Variants in LGSN observed in about 807,000 individuals in gnomAD.
LGSN encodes lengsin.
In LGSN, 21 loss-of-function variants were observed where a neutral mutation model predicts 19.5. The observed-to-expected ratio is 1.07, with a 90% CI of 0.76 to 1.55. The LOEUF (loss-of-function observed/expected upper bound fraction) is 1.55, where lower values mean the gene tolerates loss of function less well. Among genes scored for constraint, LGSN ranks in the 40% most tolerant of loss-of-function variants. LGSN has a pLI of 0.00. For missense variants in LGSN, 673 were observed against 608.5 expected, an observed-to-expected ratio of 1.11 and a Z score of -1.12; for synonymous variants, 257 against 215.6, an observed-to-expected ratio of 1.19 and a Z score of -1.68.
At chr6:63,479,712 C>T in the LGSN span, among the ~76,000 whole-genome samples, 2 of 151,360 alleles carry the variant, frequency 1.3e-5, no homozygotes, top group Non-Finnish European at 2.9e-5. Context: ...TGCACTCCAG[C>T]TTGGGCGACA....
the LGSN span, among the ~76,000 whole-genome samples, chr6:63,330,508 C>A: frequency 6.6e-6 from 1 of 152,152 alleles, no homozygotes; most frequent in South Asian, 2.1e-4. Context: ...AATCAATTGA[C>A]CCTCGAGTGA....
the LGSN span, among the ~76,000 whole-genome samples, chr6:63,539,056 C>T: frequency 1.3e-5 from 2 of 151,978 alleles, no homozygotes; most frequent in African/African-American, 2.4e-5. Flanking sequence ...CCATACCCGG[C>T]TAATTTGTGT....
Position 63,285,678 on chromosome 6 carries a change from A to T in LGSN, c.239T>A (p.Met80Lys), listed in dbSNP as rs771660734. Residue 80 changes from methionine to lysine, a missense_variant, in exon 3 of 4, where the codon ATG (methionine) becomes AAG (lysine). By Grantham distance (95) the Met-to-Lys change is moderately conservative (BLOSUM62 -1). Coordinates refer to ENST00000370657, the MANE Select transcript of LGSN (RefSeq NM_016571.3). ...SSRMKHIRQA[M>K]AKNRLQFVRF... is the part of the protein sequence containing the mutation. ...TACAAACTGGAGGCGATTTTTGGCC[A>T]TGGCTTGTCTAATGTGTTTCATTCT... 1 of 1,614,042 alleles carries T rather than the reference A, an allele frequency of 6.2e-7. No individual in the cohort carries two copies.
the LGSN span, among the ~76,000 whole-genome samples, chr6:63,484,982 T>C: frequency 2.0e-5 from 3 of 152,234 alleles, no homozygotes; most frequent in Non-Finnish European, 4.4e-5. Flanking sequence ...ATTTATTCTA[T>C]GCATTTTATC....
chr6:63,361,708 T>G, the LGSN span, among the ~76,000 whole-genome samples: 1 of 152,114 alleles, frequency 6.6e-6, no homozygotes, highest in Admixed American at 6.6e-5. Context: ...AACCGGTACC[T>G]CAGTTGGAAA....
the LGSN span, among the ~76,000 whole-genome samples, chr6:63,402,961 A>G: frequency 6.6e-6 from 1 of 152,180 alleles, no homozygotes; most frequent in Non-Finnish European, 1.5e-5. Context: ...ATCAAGCTGC[A>G]ACATCAACTA....
At chr6:63,543,203 G>A in the LGSN span, among the ~76,000 whole-genome samples, 1 of 152,122 alleles carries the variant, frequency 6.6e-6, no homozygotes, top group Admixed American at 6.5e-5. Flanking sequence ...TGCCAGACTT[G>A]TCCCTGTTTT....
the LGSN span, among the ~76,000 whole-genome samples, chr6:63,394,622 C>G: frequency 6.6e-6 from 1 of 152,212 alleles, no homozygotes; most frequent in Non-Finnish European, 1.5e-5. Flanking sequence ...CTGCCTTTGG[C>G]GTAACCATTC....
chr6:63,545,666 C>T, the LGSN span, among the ~76,000 whole-genome samples: 15 of 151,902 alleles, frequency 9.9e-5, no homozygotes, highest in African/African-American at 3.6e-4. Flanking sequence ...ACTTTTCCTG[C>T]CCCAGCCCTG....
the LGSN span, among the ~76,000 whole-genome samples, chr6:63,516,739 C>T: frequency 6.6e-6 from 1 of 152,280 alleles, no homozygotes; most frequent in East Asian, 1.9e-4. Flanking sequence ...ATATATGTGG[C>T]AATGGCATGT....
chr6:63,296,530 A>G (rs1767982228), intron 1 of LGSN, among the ~76,000 whole-genome samples: 3 of 151,542 alleles, frequency 2.0e-5, no homozygotes, highest in Non-Finnish European at 4.4e-5. Flanking sequence ...TTAAAGAAGT[A>G]TTGTTTAGAA....
the LGSN span, among the ~76,000 whole-genome samples, chr6:63,410,827 C>T: frequency 1.3e-5 from 2 of 152,114 alleles, no homozygotes; most frequent in East Asian, 3.8e-4. Flanking sequence ...AGAAAAAGCT[C>T]ATGAAATCTT....
the LGSN span, among the ~76,000 whole-genome samples, chr6:63,375,536 A>G: frequency 6.6e-6 from 1 of 152,112 alleles, no homozygotes; most frequent in African/African-American, 2.4e-5. Flanking sequence ...TTGATATATG[A>G]AGCAAAATAT....
At chr6:63,384,473 C>T in the LGSN span, among the ~76,000 whole-genome samples, 1 of 149,110 alleles carries the variant, frequency 6.7e-6, no homozygotes, top group Non-Finnish European at 1.5e-5. Flanking sequence ...ATATGAATGC[C>T]TTTGGAAATA....
chr6:63,412,718 G>GGAAGGAAAGAAA, the LGSN span, among the ~76,000 whole-genome samples: 5 of 54,750 alleles, frequency 9.1e-5, no homozygotes, highest in East Asian at 4.9e-4. Flanking sequence ...AGGGAAGGAA[G>GGAAGGAAAGAAA]GAAAGAAAGA....
chr6:63,428,413 G>A, the LGSN span, among the ~76,000 whole-genome samples: 140 of 152,124 alleles, frequency 9.2e-4, 1 homozygote, highest in South Asian at 8.5e-3. Flanking sequence ...GTGCCATGGC[G>A]CGATCTTGGC....
chr6:63,448,391 C>T, the LGSN span, among the ~76,000 whole-genome samples: 4 of 152,110 alleles, frequency 2.6e-5, no homozygotes, highest in Non-Finnish European at 4.4e-5. Context: ...TCCTTATTTA[C>T]TAAACGTCAT....
chr6:63,410,933 G>A, the LGSN span, among the ~76,000 whole-genome samples: 13 of 152,086 alleles, frequency 8.5e-5, no homozygotes, highest in African/African-American at 3.1e-4. Flanking sequence ...CCTAAGCAAC[G>A]AGGTTTGGCA....
the LGSN span, among the ~76,000 whole-genome samples, chr6:63,566,801 A>G: frequency 5.9e-5 from 9 of 152,140 alleles, no homozygotes; most frequent in Admixed American, 1.3e-4. Flanking sequence ...GTTTGATAGT[A>G]TTTTACACAC....
Sources: allele counts gnomAD v4.1 joint callset (sites outside exome capture counted in the v4.1 genomes callset), GRCh38; gene constraint gnomAD v4.1.1; transcripts MANE v1.5; gene names NCBI Gene and HGNC (gene_info 2026-07-23, HGNC 2026-07-21).